The following DNAJC10 variants were observed in gnomAD, a reference collection of about 807,000 sequenced individuals.
DNAJC10 encodes endoplasmic reticulum disulfide reductase DNAJC10.
In DNAJC10, 101 loss-of-function variants were observed where a neutral mutation model predicts 115.0. The observed-to-expected ratio is 0.88, with a 90% CI of 0.75 to 1.04. The LOEUF (loss-of-function observed/expected upper bound fraction) is 1.04, where lower values mean the gene tolerates loss of function less well. Ranked by LOEUF, DNAJC10 falls within the 50% of genes least tolerant of loss-of-function variation. The probability of loss-of-function intolerance (pLI) is 0.00; values close to 1 mark genes in which losing one functional copy is unlikely to be tolerated. For synonymous variants in DNAJC10, 307 were observed against 301.5 expected (o/e 1.02, Z -0.19); for missense variants, 981 against 928.8 (o/e 1.06, Z -0.73).
chr2:182,753,974 A>C (rs2105673001), intron 16 of DNAJC10, among the ~76,000 whole-genome samples: 1 of 152,306 alleles, frequency 6.6e-6, no homozygotes, highest in South Asian at 2.1e-4. Context: ...ATTTACCTGG[A>C]ATAGAGGCCA....
At chr2:182,716,773 CT>C (rs1336047339) in intron 1 of DNAJC10, among the ~76,000 whole-genome samples, 2 of 152,164 alleles carry the variant, frequency 1.3e-5, no homozygotes, top group Non-Finnish European at 2.9e-5. Context: ...ATCTTTACCC[CT>C]CTCCCCTCTC....
At chr2:182,762,374 T>C (rs1694307956) in intron 21 of DNAJC10, among the ~76,000 whole-genome samples, 1 of 151,918 alleles carries the variant, frequency 6.6e-6, no homozygotes. Flanking sequence ...GAGAAAAAGA[T>C]AGAAACAGAA....
chr2:182,736,182 A>G, intron 10 of DNAJC10, 67 bp from the exon 11 acceptor site: 1 of 1,470,170 alleles, frequency 6.8e-7, no homozygotes. Context: ...AGCTAAGTAA[A>G]GCTCTAAATC....
chr2:182,758,930 C>A, intron 20 of DNAJC10, 40 bp downstream of exon 20: 1 of 1,445,608 alleles, frequency 6.9e-7, no homozygotes, highest in South Asian at 1.2e-5. Context: ...AAAATAGATT[C>A]AAAGCCATTT....
rs560626923 is a variant in DNAJC10 at position 182,719,413 on chromosome 2, C to T, written c.205-594C>T. Among the ~76,000 whole-genome samples the T allele has an allele frequency of 4.6e-5, 7 of 151,918 alleles. No individual in the cohort carries two copies. In the East Asian group the frequency reaches 1.2e-3, roughly 25 times the overall value. ...GGATTACAGGCGTGCGTCACTACTG[C>T]CCAGCTAGTTTTTGTGTTTTTAGTA... On this transcript the variant is annotated intron_variant, in intron 3 of 23. Transcript: ENST00000264065.
At chr2:182,723,522 A>T (rs968213595) in intron 5 of DNAJC10, among the ~76,000 whole-genome samples, 1 of 152,210 alleles carries the variant, frequency 6.6e-6, no homozygotes, top group African/African-American at 2.4e-5. Flanking sequence ...ATTCATTTGG[A>T]TTGTTAATAG....
At chr2:182,726,331 G>C (rs1479035796) in intron 5 of DNAJC10, among the ~76,000 whole-genome samples, 1 of 152,034 alleles carries the variant, frequency 6.6e-6, no homozygotes, top group African/African-American at 2.4e-5. Context: ...GGGCGGTGAG[G>C]AGTTGTTCCT....
At chr2:182,743,035 C>T (rs1398356756) in intron 13 of DNAJC10, among the ~76,000 whole-genome samples, 4 of 151,894 alleles carry the variant, frequency 2.6e-5, no homozygotes, top group African/African-American at 9.7e-5. Context: ...TTAGTAGAGA[C>T]GTGGTTTCAC....
At chr2:182,726,699 C>T (rs1259306166) in intron 5 of DNAJC10, among the ~76,000 whole-genome samples, 5 of 152,164 alleles carry the variant, frequency 3.3e-5, no homozygotes, top group African/African-American at 1.2e-4. Context: ...GCATGACTTG[C>T]TGAAAGGCTG....
intron 14 of DNAJC10, among the ~76,000 whole-genome samples, chr2:182,750,007 A>T (rs529505768): frequency 6.6e-6 from 1 of 152,172 alleles, no homozygotes; most frequent in Non-Finnish European, 1.5e-5. Context: ...GTTCCTCATC[A>T]TGTGGGCCTT....
intron 10 of DNAJC10, among the ~76,000 whole-genome samples, chr2:182,735,292 A>G (rs988821622): frequency 6.6e-6 from 1 of 151,750 alleles, no homozygotes; most frequent in African/African-American, 2.4e-5. Flanking sequence ...TTATTTTACT[A>G]CCTCTGAAAC....
chr2:182,730,058 A>G (rs1693401975), intron 8 of DNAJC10, 117 bp downstream of exon 8: 2 of 625,418 alleles, frequency 3.2e-6, no homozygotes, highest in South Asian at 2.1e-5. Flanking sequence ...TGTCTTTTCC[A>G]TGTTTCTTAG....
chr2:182,757,938 C>T, intron 19 of DNAJC10, 113 bp downstream of exon 19: 1 of 611,688 alleles, frequency 1.6e-6, no homozygotes, highest in Non-Finnish European at 2.6e-6. Context: ...TATTGGGAGC[C>T]CACTACGTAA....
chr2:182,792,948 G>GTATGTTAGAAA lies in DNAJC10; in HGVS notation c.*15826_*15827insATATGTTAGAA, dbSNP rs571513171. The GTATGTTAGAAA allele has an allele frequency of 1.2e-3, 185 of 152,340 alleles. 1 individual carries two copies. The highest frequency in any genetic ancestry group is 4.2e-3 in the African/African-American group (175 of 41,574). 9.4% of individuals were successfully genotyped at this position (152,340 alleles called of 1,614,324 possible). On this transcript the variant is annotated 3_prime_UTR_variant, in exon 24 of 24. Coordinates refer to ENST00000264065, the MANE Select transcript of DNAJC10 (RefSeq NM_018981.4). ...TAAGCAAATGTTAAGTATGTTAGAA[G>GTATGTTAGAAA]TATGTTAGAAGATGTGCTGTGAAAT... is the stretch of plus-strand genomic sequence containing the variant.
intron 9 of DNAJC10, among the ~76,000 whole-genome samples, chr2:182,731,518 A>G (rs1325922575): frequency 2.6e-5 from 4 of 152,228 alleles, no homozygotes; most frequent in African/African-American, 4.8e-5. Context: ...GCCTCATACA[A>G]TTATATACTT....
rs1695046546 is a variant in DNAJC10, at chr2:182,791,408, C to T, written c.*14276C>T. 1.3e-5 allele frequency: 2 copies of T among 152,150 alleles called. No homozygotes were observed. The highest frequency in any genetic ancestry group is 1.3e-4 in the Admixed American group (2 of 15,274). The allele number at this position is 152,150 out of a possible 1,614,324, so 9.4% of individuals were successfully genotyped here. On this transcript the variant is annotated 3_prime_UTR_variant, in exon 24 of 24. Coordinates refer to ENST00000264065, the MANE Select transcript of DNAJC10 (RefSeq NM_018981.4). ...GGCCAAATTAGTATAAAATGGGTTA[C>T]TCTAAAATGAAATTTTAAAAGTATA...
chr2:182,730,027 C>A, intron 8 of DNAJC10, 86 bp downstream of exon 8: 1 of 844,232 alleles, frequency 1.2e-6, no homozygotes, highest in Non-Finnish European at 1.9e-6. Flanking sequence ...ACATTTTGGT[C>A]ATGGTATTGA....
In DNAJC10 at chr2:182,759,321, GTCT is replaced by G. The variant is rs755100568; in HGVS notation, c.2145+16_2145+18del. The G allele has an allele frequency of 6.3e-7, 1 of 1,597,922 alleles. No homozygotes were observed. Among genetic ancestry groups the G allele is most frequent in the African/African-American group, 1.4e-5 (1 of 74,062 alleles). ...CTCTTGGCTAGGGTAAGTCATACCTGTCTTAAATAAGTTGTAGCCACATTCATG... is the reference window on the plus strand; with the variant it reads ...CTCTTGGCTAGGGTAAGTCATACCTGTAAATAAGTTGTAGCCACATTCATG... On this transcript the variant is annotated intron_variant, in intron 21 of 23. Coordinates refer to ENST00000264065, the MANE Select transcript of DNAJC10 (RefSeq NM_018981.4).
rs1373174148 is a variant in DNAJC10, at chr2:182,718,053, G to C, written c.-34G>C. ...ACTGGAACCAGCAGTGAATCTTAAT[G>C]TTCACTTAAATCAGAACTTGCATAA... is the stretch of plus-strand genomic sequence containing the variant. On this transcript the variant is annotated 5_prime_UTR_variant, in exon 3 of 24. The change abolishes an upstream ATG in the 5' untranslated region. Coordinates refer to ENST00000264065, the MANE Select transcript of DNAJC10 (RefSeq NM_018981.4). 1 of 1,491,094 alleles carries C rather than the reference G, an allele frequency of 6.7e-7. No individual in the cohort carries two copies. The highest frequency in any genetic ancestry group is 2.3e-5 in the East Asian group (1 of 43,444). The allele number at this position is 1,491,094 out of a possible 1,614,324, so 92.4% of individuals were successfully genotyped here. A position where few individuals can be genotyped will look rare whatever the true frequency, so the allele number is the denominator to read the frequency against.
Sources: allele counts gnomAD v4.1 joint callset (sites outside exome capture counted in the v4.1 genomes callset), GRCh38; gene constraint gnomAD v4.1.1; transcripts MANE v1.5; gene names NCBI Gene and HGNC (gene_info 2026-07-23, HGNC 2026-07-21).